The following SLC44A5 variants were observed in gnomAD, a reference collection of about 807,000 sequenced individuals.
SLC44A5 encodes the protein solute carrier family 44 member 5.
A neutral mutation model predicts 101.8 loss-of-function variants in SLC44A5; 57 were observed. The observed-to-expected ratio is 0.56, with a 90% CI of 0.45 to 0.70. The LOEUF (loss-of-function observed/expected upper bound fraction) is 0.70. Among genes scored for constraint, SLC44A5 ranks in the 30% least tolerant of loss-of-function variants. The probability of loss-of-function intolerance (pLI) is 0.00; values close to 1 mark genes in which losing one functional copy is unlikely to be tolerated. For synonymous variants in SLC44A5, 281 were observed against 290.9 expected, an observed-to-expected ratio of 0.97 and a Z score of 0.35; for missense variants, 737 against 853.1, an observed-to-expected ratio of 0.86 and a Z score of 1.70.
intron 12 of SLC44A5, among the ~76,000 whole-genome samples, chr1:75,229,612 A>G (rs1242305653): frequency 6.6e-6 from 1 of 151,508 alleles, no homozygotes; most frequent in East Asian, 1.9e-4. Flanking sequence ...TGCCATTTTC[A>G]CTCCTTGCCC....
chr1:75,483,311 T>C (rs1054110355), intron 2 of SLC44A5, among the ~76,000 whole-genome samples: 1 of 152,186 alleles, frequency 6.6e-6, no homozygotes, highest in Non-Finnish European at 1.5e-5. Flanking sequence ...TTTTTATTAC[T>C]GGTGTTATTA....
chr1:75,384,328 C>T (rs1234494039), intron 3 of SLC44A5, among the ~76,000 whole-genome samples: 3 of 148,800 alleles, frequency 2.0e-5, no homozygotes, highest in African/African-American at 7.4e-5. Flanking sequence ...CGTGCAGAGA[C>T]ACACATAGGC....
the SLC44A5 span, among the ~76,000 whole-genome samples, chr1:75,677,298 CATAG>C: frequency 3.9e-5 from 6 of 152,090 alleles, no homozygotes; most frequent in East Asian, 1.9e-4. Context: ...CTTTTCAAGA[CATAG>C]ATAGTATAAT....
chr1:75,686,897 T>C, the SLC44A5 span, among the ~76,000 whole-genome samples: 1 of 152,270 alleles, frequency 6.6e-6, no homozygotes, highest in East Asian at 1.9e-4. Context: ...CTTGCTGATG[T>C]ATGGATTGTG....
intron 6 of SLC44A5, among the ~76,000 whole-genome samples, chr1:75,271,497 T>TTTTTTTTTTTTTTGTG (rs1553152601): frequency 9.6e-5 from 14 of 146,398 alleles, no homozygotes; most frequent in African/African-American, 3.6e-4. Flanking sequence ...TCTGCATGTT[T>TTTTTTTTTTTTTTGTG]TGTGTGTGTG....
chr1:75,576,381 C>T (rs1673365722), intron 1 of SLC44A5, among the ~76,000 whole-genome samples: 1 of 151,852 alleles, frequency 6.6e-6, no homozygotes, highest in Non-Finnish European at 1.5e-5. Flanking sequence ...ATGGCGCGAT[C>T]TCCACTCACT....
chr1:75,405,722 T>C (rs1276638338), intron 2 of SLC44A5, among the ~76,000 whole-genome samples: 2 of 151,940 alleles, frequency 1.3e-5, no homozygotes, highest in Admixed American at 6.6e-5. Flanking sequence ...TAGAGGGAAA[T>C]TCATAGCACC....
chr1:75,592,254 A>T (rs1326449540), intron 1 of SLC44A5, among the ~76,000 whole-genome samples: 1 of 152,178 alleles, frequency 6.6e-6, no homozygotes, highest in African/African-American at 2.4e-5. Flanking sequence ...AAAAAAATTT[A>T]AAAAGTAATC....
chr1:75,459,519 C>T (rs576367992), intron 2 of SLC44A5, among the ~76,000 whole-genome samples: 2 of 152,230 alleles, frequency 1.3e-5, no homozygotes, highest in African/African-American at 4.8e-5. Flanking sequence ...GATGTTTGTT[C>T]ATTTGGTGAG....
chr1:75,282,514 T>C (rs1383416229), intron 5 of SLC44A5, among the ~76,000 whole-genome samples: 1 of 152,036 alleles, frequency 6.6e-6, no homozygotes, highest in Non-Finnish European at 1.5e-5. Flanking sequence ...GCATGTGAGA[T>C]TTGGAAGGGG....
intron 2 of SLC44A5, among the ~76,000 whole-genome samples, chr1:75,479,896 T>G (rs934038155): frequency 3.3e-5 from 5 of 152,186 alleles, no homozygotes; most frequent in Admixed American, 3.3e-4. Context: ...CCCTAACTCA[T>G]TTGAGGAGGC....
chr1:75,475,943 G>A (rs945768843), intron 2 of SLC44A5, among the ~76,000 whole-genome samples: 3 of 152,202 alleles, frequency 2.0e-5, no homozygotes, highest in Admixed American at 6.5e-5. Flanking sequence ...CCAGCACTTC[G>A]GGAAGCCGAG....
intron 1 of SLC44A5, among the ~76,000 whole-genome samples, chr1:75,562,896 TCAAG>T (rs1170782384): frequency 1.2e-5 from 1 of 84,834 alleles, no homozygotes; most frequent in Admixed American, 1.2e-4. Context: ...GTGAAACAAC[TCAAG>T]AAACAGTTCA....
At chr1:75,544,328 T>G (rs1044318451) in intron 1 of SLC44A5, among the ~76,000 whole-genome samples, 1 of 152,230 alleles carries the variant, frequency 6.6e-6, no homozygotes, top group Non-Finnish European at 1.5e-5. Flanking sequence ...CCTTTAGAAC[T>G]ATAAGCCACT....
the SLC44A5 span, among the ~76,000 whole-genome samples, chr1:75,707,583 G>C: frequency 1.3e-5 from 2 of 152,102 alleles, no homozygotes; most frequent in Non-Finnish European, 2.9e-5. Context: ...GAAGGTTTGC[G>C]TCCTTTCCCT....
rs114246110 is a variant in SLC44A5 at position 75,337,386 on chromosome 1, T to C, written c.101+2196A>G. Among the ~76,000 whole-genome samples the C allele has an allele frequency of 5.9e-3, 895 of 152,296 alleles. 11 individuals are homozygous for C. Among genetic ancestry groups the C allele is most frequent in the African/African-American group, 0.021 (858 of 41,576 alleles). Reference sequence around the variant, plus strand: ...GGTTCTTACCTAACAGAAGAAAGCATACCAATTCTCCATCAAATAAAATTT... The same window carrying C: ...GGTTCTTACCTAACAGAAGAAAGCACACCAATTCTCCATCAAATAAAATTT... On this transcript the variant is annotated intron_variant, in intron 4 of 23. Coordinates refer to ENST00000370859, the MANE Select transcript of SLC44A5 (RefSeq NM_001130058.2).
At chr1:75,292,686 T>C (rs1653656831) in intron 5 of SLC44A5, among the ~76,000 whole-genome samples, 1 of 152,208 alleles carries the variant, frequency 6.6e-6, no homozygotes. Context: ...GAAGAATACC[T>C]GCCTTTCATT....
At chr1:75,631,088 G>T in the SLC44A5 span, among the ~76,000 whole-genome samples, 5 of 152,152 alleles carry the variant, frequency 3.3e-5, no homozygotes, top group Non-Finnish European at 5.9e-5. Flanking sequence ...TGGTACTTAA[G>T]GTGGGTGAAA....
the SLC44A5 span, among the ~76,000 whole-genome samples, chr1:75,693,583 G>T: frequency 6.6e-6 from 1 of 152,248 alleles, no homozygotes; most frequent in South Asian, 2.1e-4. Flanking sequence ...TTACTGAAGC[G>T]TTTCTTATCG....
Sources: allele counts gnomAD v4.1 joint callset (sites outside exome capture counted in the v4.1 genomes callset), GRCh38; gene constraint gnomAD v4.1.1; transcripts MANE v1.5; gene names NCBI Gene and HGNC (gene_info 2026-07-23, HGNC 2026-07-21).